The following MYH10 variants were observed in gnomAD, a reference collection of about 807,000 sequenced individuals.
The protein encoded by MYH10 is myosin-10.
MYH10 carries 55 observed loss-of-function variants against 257.8 expected under a neutral mutation model. The ratio of observed to expected loss-of-function variants is 0.21; its 90% confidence interval spans 0.17 to 0.27. The LOEUF (loss-of-function observed/expected upper bound fraction) is 0.27. Among genes scored for constraint, MYH10 ranks in the 10% least tolerant of loss-of-function variants. The pLI, the probability that MYH10 is intolerant of heterozygous loss-of-function variation, is 1.00. For missense variants in MYH10, 1,631 were observed against 2,500.6 expected, an observed-to-expected ratio of 0.65 and a Z score of 7.42; for synonymous variants, 854 against 921.7, an observed-to-expected ratio of 0.93 and a Z score of 1.33.
chr17:8,617,792 A>G lies in MYH10; in HGVS notation c.345+5110T>C, dbSNP rs185451452. On this transcript the variant is annotated intron_variant, in intron 2 of 42. Coordinates refer to ENST00000360416, the MANE Select transcript of MYH10 (RefSeq NM_001256012.3). ...TATGATGGAATACTATATTCCAACA[A>G]AAATGAATAAACTACTCAAACTTTT... is the stretch of plus-strand genomic sequence containing the variant. 5.3e-5 allele frequency among the ~76,000 whole-genome samples: 8 copies of G among 152,334 alleles called. No homozygotes were observed. In the East Asian group the frequency reaches 1.3e-3, roughly 26 times the overall value.
In MYH10 at chr17:8,506,335, C is replaced by A; in HGVS notation, c.3369G>T (p.Leu1123=). The A allele has an allele frequency of 2.5e-6, 4 of 1,602,846 alleles. No individual in the cohort carries two copies. Among genetic ancestry groups the A allele is most frequent in the Non-Finnish European group, 3.4e-6 (4 of 1,176,616 alleles). Residue 1123 remains leucine (L), a synonymous_variant, in exon 27 of 43, where the codon CTG becomes CTT. Transcript: ENST00000360416. This position sits in a 1 kb window ranked among gnomAD's most constrained non-coding sequence, Gnocchi z 5.0. ...KLQLAKKEEE[L]QGALARGDDE... Reference sequence around the variant, plus strand: ...CTGCAGACCTGGCCAGTGCGCCCTGCAGCTCCTCCTCCTTCTTGGCCAGCT... The same window carrying A: ...CTGCAGACCTGGCCAGTGCGCCCTGAAGCTCCTCCTCCTTCTTGGCCAGCT...
intron 4 of MYH10, among the ~76,000 whole-genome samples, chr17:8,587,706 T>C (rs539945367): frequency 6.6e-6 from 1 of 152,130 alleles, no homozygotes; most frequent in Non-Finnish European, 1.5e-5. Flanking sequence ...CAAAATGTTA[T>C]CTTCCTCTCA....
chr17:8,531,501 T>A (rs562525733), intron 16 of MYH10, among the ~76,000 whole-genome samples: 1 of 152,124 alleles, frequency 6.6e-6, no homozygotes, highest in South Asian at 2.1e-4. Flanking sequence ...TTTCTCCTGG[T>A]TTGGCCTTGA....
intron 4 of MYH10, among the ~76,000 whole-genome samples, chr17:8,585,975 A>C (rs2083903080): frequency 6.6e-6 from 1 of 152,258 alleles, no homozygotes; most frequent in Non-Finnish European, 1.5e-5. Flanking sequence ...AAGTGGTATG[A>C]AAATCACTTT....
chr17:8,526,359 T>C (rs2081846934), intron 17 of MYH10, among the ~76,000 whole-genome samples: 1 of 152,172 alleles, frequency 6.6e-6, no homozygotes, highest in South Asian at 2.1e-4. Context: ...GAAGACCTAA[T>C]ATTGCTTCTA....
intron 4 of MYH10, among the ~76,000 whole-genome samples, chr17:8,587,422 C>G (rs1209793717): frequency 2.0e-5 from 3 of 152,190 alleles, no homozygotes; most frequent in Admixed American, 2.0e-4. Context: ...CTCCTCAAAC[C>G]TCCTATCCTG....
chr17:8,499,768 C>T (rs1173673777), intron 29 of MYH10, among the ~76,000 whole-genome samples: 2 of 152,200 alleles, frequency 1.3e-5, no homozygotes. Flanking sequence ...TCATCACTCA[C>T]ACTGTCCTCT....
At chr17:8,618,209 T>C (rs2085337083) in intron 2 of MYH10, among the ~76,000 whole-genome samples, 1 of 152,048 alleles carries the variant, frequency 6.6e-6, no homozygotes, top group African/African-American at 2.4e-5. Context: ...TGGATATTTA[T>C]CTTTGATACT....
At chr17:8,551,216 T>G (rs1384861114) in intron 9 of MYH10, among the ~76,000 whole-genome samples, 1 of 151,912 alleles carries the variant, frequency 6.6e-6, no homozygotes, top group Non-Finnish European at 1.5e-5. Flanking sequence ...TCTGAAAGCC[T>G]GAGCATTTTC....
chr17:8,518,109 G>A (rs1597719520), intron 21 of MYH10, among the ~76,000 whole-genome samples: 1 of 67,898 alleles, frequency 1.5e-5, no homozygotes, highest in African/African-American at 5.0e-5. Context: ...GGCCCCGTGT[G>A]TGTGTGTGTG....
rs769665917 is a variant in MYH10 at position 8,520,930 on chromosome 17, T to C, written c.2221A>G (p.Ile741Val). The part of the protein sequence containing the change: ...RCNGVLEGIR[I>V]CRQGFPNRIV... ...CGGTTAGGGAAGCCCTGGCGACAGATTCGGATCCCTTCCAGGACACCGTTA... is the reference window on the plus strand; with the variant it reads ...CGGTTAGGGAAGCCCTGGCGACAGACTCGGATCCCTTCCAGGACACCGTTA... Residue 741 changes from isoleucine (I) to valine (V), a missense_variant, in exon 19 of 43, where the codon ATC becomes GTC. This residue lies in a region of MYH10 where 7 missense variants were observed against 46.7 expected (regional missense o/e 0.15). Transcript: ENST00000360416. 6.2e-7 allele frequency: 1 copy of C among 1,613,922 alleles called. No homozygotes were observed. Among genetic ancestry groups the C allele is most frequent in the Non-Finnish European group, 8.5e-7 (1 of 1,179,832 alleles).
At position 8,571,179 on chromosome 17, in the gene MYH10, G is replaced by GTTT. The variant is rs68138748; in HGVS notation, c.664-1370_664-1368dup. 3.3e-4 allele frequency among the ~76,000 whole-genome samples: 48 copies of GTTT among 144,702 alleles called. 5 individuals carry two copies. Among genetic ancestry groups the GTTT allele is most frequent in the South Asian group, 6.5e-4 (3 of 4,616 alleles). The allele number at this position is 144,702 out of a possible 152,430, so 94.9% of individuals were successfully genotyped here. On this transcript the variant is annotated intron_variant, in intron 6 of 42. Transcript: ENST00000360416. ...AGACTATTTTTCCTGTAAAGTTTTTGTTTTTTTTTTTTTGAGACGGAGACT... is the reference window on the plus strand; with the variant it reads ...AGACTATTTTTCCTGTAAAGTTTTTGTTTTTTTTTTTTTTTTGAGACGGAGACT...
chr17:8,609,478 T>C (rs959242223), intron 2 of MYH10, among the ~76,000 whole-genome samples: 4 of 152,092 alleles, frequency 2.6e-5, no homozygotes, highest in Admixed American at 2.0e-4. Flanking sequence ...GATTCAGAAA[T>C]AAATTACCTG....
rs1451745007 is a variant in MYH10, at chr17:8,490,108, A to G, written c.4884+232T>C. 9.0e-6 allele frequency: 4 copies of G among 442,774 alleles called. No individual in the cohort carries two copies. The East Asian group carries it at 1.8e-4, about 19-fold the overall frequency. 27.4% of individuals were successfully genotyped at this position (442,774 alleles called of 1,614,324 possible). On this transcript the variant is annotated intron_variant, in intron 35 of 42. Coordinates refer to ENST00000360416, the MANE Select transcript of MYH10 (RefSeq NM_001256012.3). This position sits in a 1 kb window ranked among gnomAD's most constrained non-coding sequence, Gnocchi z 4.1. Reference sequence around the variant, plus strand: ...GAGTCCACTGAGGGCTTTCTGACTGATAAGTGTCTGGCTTGTAGGCAGGAA... The same window carrying G: ...GAGTCCACTGAGGGCTTTCTGACTGGTAAGTGTCTGGCTTGTAGGCAGGAA...
In MYH10 at chr17:8,509,882, G is replaced by C; in HGVS notation, c.3020C>G (p.Ala1007Gly). 6.2e-7 allele frequency: 1 copy of C among 1,613,416 alleles called. No homozygotes were observed. The highest frequency in any genetic ancestry group is 8.5e-7 in the Non-Finnish European group (1 of 1,179,684). ...RQKLQLEKVT[A>G]EAKIKKMEEE... ...TTCCATCTTCTTGATCTTGGCCTCT[G>C]CTGTCACCTTTTCCAGCTGCAGCTT... Residue 1007 changes from alanine to glycine, a missense_variant, in exon 25 of 43, where the codon GCA (alanine) becomes GGA (glycine). Physicochemically the swap from Ala to Gly is moderately conservative, Grantham distance 60. This residue lies in a region of MYH10 where 169 missense variants were observed against 249.8 expected (regional missense o/e 0.68). Coordinates refer to ENST00000360416, the MANE Select transcript of MYH10 (RefSeq NM_001256012.3).
At chr17:8,533,322 A>G (rs764667586) in intron 16 of MYH10, among the ~76,000 whole-genome samples, 3 of 152,008 alleles carry the variant, frequency 2.0e-5, no homozygotes, top group Non-Finnish European at 4.4e-5. Flanking sequence ...TCTAGCCTCA[A>G]CCTACCATCC....
At position 8,545,782 on chromosome 17, in the gene MYH10, G is replaced by A. The variant is rs111482115; in HGVS notation, c.1279-182C>T. Among the ~76,000 whole-genome samples, 3 of 152,194 alleles carry A rather than the reference G, an allele frequency of 2.0e-5. No homozygotes were observed. Among genetic ancestry groups the A allele is most frequent in the East Asian group, 3.9e-4 (2 of 5,176 alleles). ...TATTAGAAGAATTAAATGAACACAG[G>A]GAATAACGAATTTGGGGGATGGGTA... is the stretch of plus-strand genomic sequence containing the variant. On this transcript the variant is annotated intron_variant, in intron 12 of 42. Transcript: ENST00000360416. This position sits in a 1 kb window ranked among gnomAD's most constrained non-coding sequence, Gnocchi z 4.7.
At chr17:8,551,011 C>T (rs7502033) in intron 9 of MYH10, among the ~76,000 whole-genome samples, 3 of 151,112 alleles carry the variant, frequency 2.0e-5, no homozygotes, top group East Asian at 1.9e-4. Flanking sequence ...TGCGGAAGGC[C>T]GCAGGGTCCT....
chr17:8,487,626 C>T, intron 35 of MYH10, 32 bp from the exon 36 acceptor site: 1 of 1,613,082 alleles, frequency 6.2e-7, no homozygotes, highest in South Asian at 1.1e-5. Context: ...TGCTGGGTTA[C>T]ATCCAAGTAT....
Sources: gnomAD v4.1 joint callset for allele counts (sites outside exome capture counted in the v4.1 genomes callset) on GRCh38, gnomAD v4.1.1 for gene constraint, gnomAD v4.1.1 regional missense constraint, Gnocchi (gnomAD v3.1) non-coding constraint, MANE v1.5 for transcripts, NCBI Gene and HGNC (gene_info 2026-07-23, HGNC 2026-07-21) for gene names.